Variants in FAM81A observed in about 807,000 individuals in gnomAD.
The protein encoded by FAM81A is protein FAM81A.
FAM81A carries 19 observed loss-of-function variants against 46.7 expected under a neutral mutation model. That is an observed-to-expected ratio of 0.41 (90% CI 0.28 to 0.60). The LOEUF (loss-of-function observed/expected upper bound fraction) is 0.60, where lower values mean the gene tolerates loss of function less well. Ranked by LOEUF, FAM81A falls within the 20% of genes least tolerant of loss-of-function variation. FAM81A has a pLI of 0.34. For missense variants in FAM81A, 377 were observed against 453.5 expected (o/e 0.83, Z 1.53); for synonymous variants, 183 against 152.9 (o/e 1.20, Z -1.45).
chr15:59,417,854 G>A (rs1320682213), intron 2 of FAM81A, among the ~76,000 whole-genome samples: 2 of 151,976 alleles, frequency 1.3e-5, no homozygotes, highest in Non-Finnish European at 2.9e-5. Flanking sequence ...CATGTGCCCT[G>A]TTGGTGTGCT....
chr15:59,444,637 C>T (rs1340818701), intron 1 of FAM81A, among the ~76,000 whole-genome samples: 1 of 152,180 alleles, frequency 6.6e-6, no homozygotes, highest in Admixed American at 6.5e-5. Flanking sequence ...CTCTCCTCTG[C>T]TGTCCTTCAG....
chr15:59,495,154 A>C lies in FAM81A; in HGVS notation c.413+2765A>C, dbSNP rs139826702. 6.7e-3 allele frequency among the ~76,000 whole-genome samples: 1,027 copies of C among 152,314 alleles called. 18 individuals carry two copies. The highest frequency in any genetic ancestry group is 0.024 in the African/African-American group (997 of 41,574). Reference sequence around the variant, plus strand: ...CGATTTCAGAACGTTTTTATCATCCAAAAAGAAACCCCATACCTGTTAGCT... The same window carrying C: ...CGATTTCAGAACGTTTTTATCATCCCAAAAGAAACCCCATACCTGTTAGCT... On this transcript the variant is annotated intron_variant, in intron 4 of 8. Coordinates refer to ENST00000288228, the MANE Select transcript of FAM81A (RefSeq NM_152450.3).
chr15:59,503,233 C>CA (rs769759845), intron 4 of FAM81A, among the ~76,000 whole-genome samples: 3,451 of 32,298 alleles, frequency 0.11, 194 homozygotes, highest in African/African-American at 0.14. Flanking sequence ...GAGACTGTCT[C>CA]AAAAAAAAAA....
At chr15:59,398,490 A>G (rs900831) in intron 1 of FAM81A, among the ~76,000 whole-genome samples, 19,313 of 152,142 alleles carry the variant, frequency 0.13, 1,501 homozygotes, top group Middle Eastern at 0.22. Context: ...CAGGTGTGGC[A>G]GCTCATGCCT....
chr15:59,427,489 A>T (rs1381046055), intron 2 of FAM81A, among the ~76,000 whole-genome samples: 4 of 152,112 alleles, frequency 2.6e-5, no homozygotes, highest in Admixed American at 2.0e-4. Context: ...GTGCTATGAA[A>T]TACTAGATCT....
intron 1 of FAM81A, among the ~76,000 whole-genome samples, chr15:59,442,158 T>C (rs931478613): frequency 6.6e-6 from 1 of 152,162 alleles, no homozygotes; most frequent in East Asian, 1.9e-4. Flanking sequence ...CCCCAGGTAC[T>C]TCAAATCTAT....
intron 3 of FAM81A, among the ~76,000 whole-genome samples, chr15:59,468,002 G>T (rs2081636287): frequency 6.6e-6 from 1 of 151,996 alleles, no homozygotes; most frequent in Non-Finnish European, 1.5e-5. Context: ...TTTGTGTGAT[G>T]GATTATGATT....
chr15:59,448,036 A>G (rs1216071811), intron 1 of FAM81A, among the ~76,000 whole-genome samples: 1 of 152,156 alleles, frequency 6.6e-6, no homozygotes, highest in Non-Finnish European at 1.5e-5. Context: ...CAAGAGGAGT[A>G]GGATGTGGTA....
chr15:59,409,652 C>G (rs1335291873), intron 2 of FAM81A, among the ~76,000 whole-genome samples: 2 of 152,166 alleles, frequency 1.3e-5, no homozygotes, highest in Non-Finnish European at 2.9e-5. Context: ...TTACAAGTTT[C>G]TGTAGGTGCA....
At chr15:59,409,209 T>C (rs79007130) in intron 2 of FAM81A, among the ~76,000 whole-genome samples, 1,613 of 152,188 alleles carry the variant, frequency 0.011, 15 homozygotes, top group East Asian at 0.034. Flanking sequence ...TGTTTGTTTC[T>C]ACTCCAGGTC....
intron 3 of FAM81A, among the ~76,000 whole-genome samples, chr15:59,484,701 T>C (rs1596515932): frequency 6.6e-6 from 1 of 152,314 alleles, no homozygotes; most frequent in East Asian, 1.9e-4. Flanking sequence ...ACAGCCGTGG[T>C]GGCTGTGAGG....
At chr15:59,504,145 A>G (rs2082125414) in intron 4 of FAM81A, among the ~76,000 whole-genome samples, 1 of 152,152 alleles carries the variant, frequency 6.6e-6, no homozygotes, top group African/African-American at 2.4e-5. Context: ...TTTTTATTTC[A>G]TAGTATTTTA....
chr15:59,514,675 A>C lies in FAM81A; in HGVS notation c.786+251A>C, dbSNP rs577849026. Reference sequence around the variant, plus strand: ...TCAGTTAAGATGAAGTTAAGCTAAAACCTTAATGATCCAAATTGTTCATCT... The same window carrying C: ...TCAGTTAAGATGAAGTTAAGCTAAACCCTTAATGATCCAAATTGTTCATCT... On this transcript the variant is annotated intron_variant, in intron 7 of 8. Transcript: ENST00000288228. Among the ~76,000 whole-genome samples, 230 of 152,346 alleles carry C rather than the reference A, an allele frequency of 1.5e-3. 1 individual carries two copies. The highest frequency in any genetic ancestry group is 5.4e-3 in the African/African-American group (225 of 41,584).
chr15:59,469,956 A>T (rs1275027016), intron 3 of FAM81A, among the ~76,000 whole-genome samples: 8 of 152,212 alleles, frequency 5.3e-5, no homozygotes, highest in Admixed American at 3.9e-4. Context: ...AAAGGATTTT[A>T]TTTCTCCTTC....
upstream of FAM81A, chr15:59,438,165 C>A (rs1251919427): frequency 6.8e-6 from 1 of 146,202 alleles, no homozygotes; most frequent in African/African-American, 2.4e-5. Flanking sequence ...GATTGGACGG[C>A]GCTCCCCGCG....
chr15:59,520,625 A>C (rs2082318067), intron 8 of FAM81A, among the ~76,000 whole-genome samples: 2 of 147,002 alleles, frequency 1.4e-5, no homozygotes, highest in African/African-American at 5.1e-5. Flanking sequence ...GTGCAGTAGC[A>C]CAATCTCAGC....
chr15:59,449,188 T>G lies in FAM81A; in HGVS notation c.-77-9362T>G, dbSNP rs957959387. On this transcript the variant is annotated intron_variant, in intron 1 of 8. Transcript: ENST00000288228. ...GGTCCTAGAATGCTTAGGGCAAGAG[T>G]GAGTTCTGTACATGCCCTGGAGAGT... is the stretch of plus-strand genomic sequence containing the variant. Among the ~76,000 whole-genome samples the G allele has an allele frequency of 4.6e-5, 7 of 152,172 alleles. No individual in the cohort carries two copies. The East Asian group carries it at 5.8e-4, about 13-fold the overall frequency.
intron 2 of FAM81A, among the ~76,000 whole-genome samples, chr15:59,417,520 A>C (rs1156412532): frequency 4.0e-5 from 6 of 151,256 alleles, no homozygotes; most frequent in African/African-American, 1.2e-4. Flanking sequence ...AGCCTGGCCA[A>C]CATGGTGAAA....
At position 59,460,244 on chromosome 15, in the gene FAM81A, C is replaced by T. The variant is rs1390575177; in HGVS notation, c.294+38C>T. ...AAAGTCAGGTGGCCTATGTCCCTTT[C>T]CACAGAATTGCTCCATGTCAGGAGG... On this transcript the variant is annotated intron_variant, in intron 3 of 8. Coordinates refer to ENST00000288228, the MANE Select transcript of FAM81A (RefSeq NM_152450.3). This position sits in a 1 kb window ranked among gnomAD's most constrained non-coding sequence, Gnocchi z 4.4. The T allele has an allele frequency of 1.2e-6, 2 of 1,613,612 alleles. No individual in the cohort carries two copies. Among genetic ancestry groups the T allele is most frequent in the African/African-American group, 1.3e-5 (1 of 74,904 alleles).
Sources: allele counts gnomAD v4.1 joint callset (sites outside exome capture counted in the v4.1 genomes callset), GRCh38; gene constraint gnomAD v4.1.1; non-coding constraint Gnocchi (gnomAD v3.1); transcripts MANE v1.5; gene names NCBI Gene and HGNC (gene_info 2026-07-23, HGNC 2026-07-21).